Variants in SPTBN1 observed in about 807,000 individuals in gnomAD.
SPTBN1 encodes the protein spectrin beta chain, non-erythrocytic 1.
Under a neutral mutation model 266.4 loss-of-function variants are expected in SPTBN1, and 32 were observed. That is an observed-to-expected ratio of 0.12 (90% CI 0.09 to 0.16). SPTBN1 has a LOEUF of 0.16. Ranked by LOEUF, SPTBN1 falls within the 10% of genes least tolerant of loss-of-function variation. The probability of loss-of-function intolerance (pLI) is 1.00; values close to 1 mark genes in which losing one functional copy is unlikely to be tolerated. For missense variants in SPTBN1, 2,296 were observed against 3,067.1 expected, an observed-to-expected ratio of 0.75 and a Z score of 5.94; for synonymous variants, 1,336 against 1,162.2, an observed-to-expected ratio of 1.15 and a Z score of -3.04.
chr2:54,657,493 G>A (rs1035301793), intron 29 of SPTBN1, among the ~76,000 whole-genome samples: 1 of 152,208 alleles, frequency 6.6e-6, no homozygotes, highest in Non-Finnish European at 1.5e-5. Flanking sequence ...GGCAGTGAAT[G>A]TGTGCCGTAA....
intron 3 of SPTBN1, among the ~76,000 whole-genome samples, chr2:54,602,751 A>G (rs574830987): frequency 6.6e-6 from 1 of 152,262 alleles, no homozygotes; most frequent in South Asian, 2.1e-4. Context: ...GTGTTTGTGT[A>G]TGTTGCCACC....
chr2:54,511,345 A>T (rs1385097453), intron 1 of SPTBN1, among the ~76,000 whole-genome samples: 1 of 152,142 alleles, frequency 6.6e-6, no homozygotes, highest in Admixed American at 6.5e-5. Flanking sequence ...GACTGTGTAG[A>T]CTGTATTGTT....
At chr2:54,525,398 A>C (rs1443806398) in intron 1 of SPTBN1, among the ~76,000 whole-genome samples, 1 of 152,156 alleles carries the variant, frequency 6.6e-6, no homozygotes. Flanking sequence ...GGCATGCGCC[A>C]CCACGCCCAG....
chr2:54,544,590 A>C (rs1187983007), intron 2 of SPTBN1, among the ~76,000 whole-genome samples: 2 of 152,158 alleles, frequency 1.3e-5, no homozygotes, highest in African/African-American at 4.8e-5. Context: ...CACATGACTA[A>C]TTTAAAACAG....
chr2:54,506,993 A>T, intron 1 of SPTBN1, among the ~76,000 whole-genome samples: 1 of 148,110 alleles, frequency 6.8e-6, no homozygotes, highest in African/African-American at 2.5e-5. Context: ...GATTATCATT[A>T]GTTCTTACAG....
intron 1 of SPTBN1, among the ~76,000 whole-genome samples, chr2:54,489,762 G>C (rs1417476486): frequency 6.6e-6 from 1 of 152,194 alleles, no homozygotes; most frequent in East Asian, 1.9e-4. Flanking sequence ...AGATGATTAA[G>C]AGCTTTTACA....
chr2:54,475,216 A>G (rs1667766170), intron 1 of SPTBN1, among the ~76,000 whole-genome samples: 1 of 152,086 alleles, frequency 6.6e-6, no homozygotes, highest in South Asian at 2.1e-4. Flanking sequence ...CAAAAAAGAA[A>G]AAGAAAAGTG....
chr2:54,633,056 G>T (rs1415967310), intron 17 of SPTBN1, among the ~76,000 whole-genome samples: 4 of 152,154 alleles, frequency 2.6e-5, no homozygotes, highest in South Asian at 2.1e-4. Flanking sequence ...GCTGCATCGC[G>T]ATCAGGTGTA....
chr2:54,578,912 G>A (rs10208225), intron 2 of SPTBN1, among the ~76,000 whole-genome samples: 47,514 of 151,594 alleles, frequency 0.31, 9,115 homozygotes, highest in African/African-American at 0.55. Flanking sequence ...CTGTCCAGGA[G>A]AAATCTGAGT....
chr2:54,626,277 C>G lies in SPTBN1; in HGVS notation c.1644+43C>G, dbSNP rs1457937062. On this transcript the variant is annotated intron_variant, in intron 12 of 35. Coordinates refer to ENST00000356805, the MANE Select transcript of SPTBN1 (RefSeq NM_003128.3). The surrounding 1 kb of genome is among the most constrained non-coding windows in gnomAD (Gnocchi z 4.7). The stretch of plus-strand genomic sequence containing the variant: ...GGAAGGACGACAGAGCTGATCCAAC[C>G]AGGGCTCTCTTTTCTGTGACTCATT... 1.2e-5 allele frequency: 19 copies of G among 1,574,422 alleles called. No homozygotes were observed. The East Asian group carries it at 4.3e-4, about 36-fold the overall frequency.
rs1680316041 is a variant in SPTBN1 at position 54,651,934 on chromosome 2, T to C, written c.5578-1675T>C. On this transcript the variant is annotated intron_variant, in intron 26 of 35. Transcript: ENST00000356805. The stretch of plus-strand genomic sequence containing the variant: ...GCTTTTTTTCTTTTTTAACCTGTTA[T>C]CACCTAAAGTGCTTCTGTGCAATCA... 2.6e-5 allele frequency among the ~76,000 whole-genome samples: 4 copies of C among 152,200 alleles called. No individual in the cohort carries two copies. The South Asian group carries it at 6.2e-4, about 24-fold the overall frequency.
chr2:54,627,441 C>G (rs1369041893), intron 12 of SPTBN1, among the ~76,000 whole-genome samples: 1 of 152,208 alleles, frequency 6.6e-6, no homozygotes, highest in Non-Finnish European at 1.5e-5. Context: ...TGGGTTCAAA[C>G]TTAAACTCTA....
rs564479161 is a variant in SPTBN1 at position 54,606,109 on chromosome 2, A to C, written c.301-6052A>C. 5.3e-5 allele frequency among the ~76,000 whole-genome samples: 8 copies of C among 152,172 alleles called. No individual in the cohort carries two copies. The South Asian group carries it at 1.7e-3, about 32-fold the overall frequency. On this transcript the variant is annotated intron_variant, in intron 3 of 35. Coordinates refer to ENST00000356805, the MANE Select transcript of SPTBN1 (RefSeq NM_003128.3). Reference sequence around the variant, plus strand: ...CATGTTTCCTGTTTGTGGGGAGGAGATTCTGAGAGGACCACTTTTTCTACC... The same window carrying C: ...CATGTTTCCTGTTTGTGGGGAGGAGCTTCTGAGAGGACCACTTTTTCTACC...
In SPTBN1 at chr2:54,660,146, G is replaced by T. The variant is rs1680942277; in HGVS notation, c.6420+147G>T. The T allele has an allele frequency of 3.2e-6, 5 of 1,547,290 alleles. No individual in the cohort carries two copies. In the South Asian group the frequency reaches 4.9e-5, roughly 15 times the overall value. On this transcript the variant is annotated intron_variant, in intron 32 of 35. Coordinates refer to ENST00000356805, the MANE Select transcript of SPTBN1 (RefSeq NM_003128.3). ...AAATCCTCTGGGTTTTGACTTTTTG[G>T]CTTCCACTTCACCCAAAATGTTAAA...
At chr2:54,573,497 C>T (rs1674233196) in intron 2 of SPTBN1, among the ~76,000 whole-genome samples, 1 of 152,168 alleles carries the variant, frequency 6.6e-6, no homozygotes, top group African/African-American at 2.4e-5. Flanking sequence ...TGGCCGGTTC[C>T]TAATAGGTCA....
At chr2:54,525,343 T>G (rs1168405404) in intron 1 of SPTBN1, among the ~76,000 whole-genome samples, 1 of 152,018 alleles carries the variant, frequency 6.6e-6, no homozygotes, top group African/African-American at 2.4e-5. Flanking sequence ...GCTCCTCGGT[T>G]CAAGCAATTT....
chr2:54,539,616 T>C (rs1671818900), intron 2 of SPTBN1, among the ~76,000 whole-genome samples: 1 of 152,178 alleles, frequency 6.6e-6, no homozygotes, highest in Non-Finnish European at 1.5e-5. Context: ...TTTGGCTCAT[T>C]GCGACCTCCA....
chr2:54,473,817 T>G (rs892733631), intron 1 of SPTBN1, among the ~76,000 whole-genome samples: 1 of 152,236 alleles, frequency 6.6e-6, no homozygotes, highest in African/African-American at 2.4e-5. Context: ...TCATTTTAAA[T>G]TTTACACATG....
chr2:54,552,485 G>A (rs748707015), intron 2 of SPTBN1, among the ~76,000 whole-genome samples: 1 of 146,716 alleles, frequency 6.8e-6, no homozygotes, highest in Non-Finnish European at 1.5e-5. Context: ...TTGAGATGGA[G>A]TCTCGCTGTC....
Sources: allele counts gnomAD v4.1 joint callset (sites outside exome capture counted in the v4.1 genomes callset), GRCh38; gene constraint gnomAD v4.1.1; non-coding constraint Gnocchi (gnomAD v3.1); transcripts MANE v1.5; gene names NCBI Gene and HGNC (gene_info 2026-07-23, HGNC 2026-07-21).